The following RPS6KA2 variants were observed in gnomAD, a reference collection of about 807,000 sequenced individuals.
The protein encoded by RPS6KA2 is ribosomal protein S6 kinase alpha-2.
A neutral mutation model predicts 91.8 loss-of-function variants in RPS6KA2; 42 were observed. The observed-to-expected ratio is 0.46, with a 90% confidence interval of 0.36 to 0.59. RPS6KA2 has a LOEUF of 0.59. RPS6KA2 is among the 20% of genes least tolerant of loss of function. The pLI, the probability that RPS6KA2 is intolerant of heterozygous loss-of-function variation, is 0.00. For missense variants in RPS6KA2, 798 were observed against 978.5 expected, an observed-to-expected ratio of 0.82 and a Z score of 2.46; for synonymous variants, 414 against 393.6, an observed-to-expected ratio of 1.05 and a Z score of -0.61.
intron 2 of RPS6KA2, among the ~76,000 whole-genome samples, chr6:166,771,176 C>T (rs1350823502): frequency 1.3e-5 from 2 of 152,136 alleles, no homozygotes; most frequent in Admixed American, 6.5e-5. Context: ...GATGGTGTCC[C>T]ATCACCAACC....
At chr6:166,501,697 C>T (rs1000083711) in intron 6 of RPS6KA2, among the ~76,000 whole-genome samples, 1 of 152,166 alleles carries the variant, frequency 6.6e-6, no homozygotes, top group African/African-American at 2.4e-5. Flanking sequence ...AGGCGGGAGT[C>T]TGGGCTGTGA....
chr6:166,439,921 G>A (rs1159312276), intron 14 of RPS6KA2: 5 of 152,378 alleles, frequency 3.3e-5, no homozygotes, highest in Middle Eastern at 3.4e-3. Flanking sequence ...CCCGAGCTAT[G>A]TATTGTAGAT....
rs372199729 is a variant in RPS6KA2, at chr6:166,812,466, C to T, written c.123+45734G>A. ...CTCTCAACTCTCAGCTTAAATGTCACCTCCCAAGAGAGGCCTTCCCAGGGG... is the reference window on the plus strand; with the variant it reads ...CTCTCAACTCTCAGCTTAAATGTCATCTCCCAAGAGAGGCCTTCCCAGGGG... On this transcript the variant is annotated intron_variant, in intron 2 of 21. Coordinates refer to the RPS6KA2 transcript ENST00000503859. Among the ~76,000 whole-genome samples, 158 of 152,322 alleles carry T rather than the reference C, an allele frequency of 1.0e-3. 1 individual carries two copies. Among genetic ancestry groups the T allele is most frequent in the African/African-American group, 3.4e-3 (142 of 41,578 alleles).
At chr6:166,651,690 G>A (rs1183279737) in intron 2 of RPS6KA2, among the ~76,000 whole-genome samples, 1 of 152,230 alleles carries the variant, frequency 6.6e-6, no homozygotes, top group Non-Finnish European at 1.5e-5. Context: ...GAGGACAGCA[G>A]CCCTTACACA....
intron 2 of RPS6KA2, among the ~76,000 whole-genome samples, chr6:166,640,835 C>A (rs902705058): frequency 6.6e-6 from 1 of 151,964 alleles, no homozygotes; most frequent in Non-Finnish European, 1.5e-5. Flanking sequence ...GGATCCGAGT[C>A]GGCATTCCCA....
At chr6:166,504,109 C>T (rs1782113900) in intron 6 of RPS6KA2, among the ~76,000 whole-genome samples, 1 of 152,204 alleles carries the variant, frequency 6.6e-6, no homozygotes, top group African/African-American at 2.4e-5. Context: ...GGAGAAACTG[C>T]CCTGGAGGCA....
chr6:166,584,683 T>C (rs1020761490), intron 1 of RPS6KA2, among the ~76,000 whole-genome samples: 1 of 152,222 alleles, frequency 6.6e-6, no homozygotes, highest in African/African-American at 2.4e-5. Flanking sequence ...TTGCACTTTA[T>C]TTTATAGTAA....
intron 2 of RPS6KA2, among the ~76,000 whole-genome samples, chr6:166,684,057 G>A (rs1743340057): frequency 6.6e-6 from 1 of 152,186 alleles, no homozygotes; most frequent in African/African-American, 2.4e-5. Context: ...ATAAGGAGGT[G>A]TTGTCATCTA....
intron 2 of RPS6KA2, among the ~76,000 whole-genome samples, chr6:166,792,911 A>C (rs559196636): frequency 0.35 from 52,507 of 151,688 alleles, 9,764 homozygotes; most frequent in African/African-American, 0.47. Context: ...CTGAATGGGC[A>C]AAAACTGGAA....
At chr6:166,510,149 G>A in intron 4 of RPS6KA2, 128 bp downstream of exon 4, 2 of 488,274 alleles carry the variant, frequency 4.1e-6, no homozygotes, top group Non-Finnish European at 7.4e-6. Flanking sequence ...TCCTCCCCAG[G>A]CAGGGCAGGA....
intron 6 of RPS6KA2, among the ~76,000 whole-genome samples, chr6:166,502,583 C>T (rs531851380): frequency 1.1e-4 from 16 of 152,290 alleles, no homozygotes; most frequent in Admixed American, 7.2e-4. Flanking sequence ...CAGGGCCGCA[C>T]GAGGAGGAGG....
At chr6:166,847,367 T>C (rs1328512576) in intron 2 of RPS6KA2, among the ~76,000 whole-genome samples, 2 of 152,218 alleles carry the variant, frequency 1.3e-5, no homozygotes, top group African/African-American at 4.8e-5. Context: ...GCAATTCCCA[T>C]AAAAATACCA....
chr6:166,756,864 A>G (rs1438449133), intron 2 of RPS6KA2, among the ~76,000 whole-genome samples: 1 of 152,202 alleles, frequency 6.6e-6, no homozygotes, highest in African/African-American at 2.4e-5. Context: ...AAAATAAAAT[A>G]AAAATAAATA....
chr6:166,593,650 G>C (rs1490411335), intron 1 of RPS6KA2, among the ~76,000 whole-genome samples: 1 of 150,108 alleles, frequency 6.7e-6, no homozygotes, highest in African/African-American at 2.4e-5. Context: ...AACACAAACT[G>C]GTTTTCGGAA....
chr6:166,780,239 G>A (rs1042571738), intron 2 of RPS6KA2, among the ~76,000 whole-genome samples: 1 of 152,256 alleles, frequency 6.6e-6, no homozygotes, highest in Non-Finnish European at 1.5e-5. Context: ...TTGGGAAAGG[G>A]CCATTGCAGC....
chr6:166,778,290 G>C (rs1307811148), intron 2 of RPS6KA2, among the ~76,000 whole-genome samples: 1 of 152,190 alleles, frequency 6.6e-6, no homozygotes, highest in African/African-American at 2.4e-5. Context: ...GACTGGCGCC[G>C]GCCAACTGAC....
intron 19 of RPS6KA2, among the ~76,000 whole-genome samples, chr6:166,416,521 T>G (rs2128437967): frequency 1.3e-5 from 2 of 151,660 alleles, no homozygotes; most frequent in Admixed American, 1.3e-4. Context: ...CTGCCACTTT[T>G]GCCATCCCTT....
intron 3 of RPS6KA2, among the ~76,000 whole-genome samples, chr6:166,520,071 A>G (rs1469655461): frequency 6.6e-6 from 1 of 152,190 alleles, no homozygotes; most frequent in East Asian, 1.9e-4. Context: ...GCAGTGGGAG[A>G]GGAATCTGCT....
chr6:166,678,636 G>A lies in RPS6KA2; in HGVS notation c.124-139852C>T, dbSNP rs117175950. ...CAGTTCTCAATGTTTGCTGTTCTGC[G>A]TCACCCTCAGAGTTACAGATGACTG... On this transcript the variant is annotated intron_variant, in intron 2 of 21. Coordinates refer to the RPS6KA2 transcript ENST00000503859. Among the ~76,000 whole-genome samples, 1,029 of 152,262 alleles carry A rather than the reference G, an allele frequency of 6.8e-3. 20 individuals are homozygous for A. In the South Asian group the frequency reaches 0.072, roughly 11 times the overall value.
Sources: gnomAD v4.1 joint callset for allele counts (sites outside exome capture counted in the v4.1 genomes callset) on GRCh38, gnomAD v4.1.1 for gene constraint, MANE v1.5 for transcripts, NCBI Gene and HGNC (gene_info 2026-07-23, HGNC 2026-07-21) for gene names.